RNASEH2B: variants seen among roughly 807,000 people sequenced by gnomAD.
RNASEH2B encodes the protein ribonuclease H2 subunit B.
RNASEH2B carries 36 observed loss-of-function variants against 45.0 expected under a neutral mutation model. That is an observed-to-expected ratio of 0.80 (90% confidence interval 0.61 to 1.06). The LOEUF is 1.06. Among genes scored for constraint, RNASEH2B ranks in the 50% least tolerant of loss-of-function variants. The pLI, the probability that RNASEH2B is intolerant of heterozygous loss-of-function variation, is 0.00. For missense variants in RNASEH2B, 361 were observed against 360.3 expected (o/e 1.00, Z -0.02); for synonymous variants, 119 against 125.7 (o/e 0.95, Z 0.35).
chr13:50,968,754 T>A (rs1210770036), intron 9 of RNASEH2B, among the ~76,000 whole-genome samples: 1 of 152,234 alleles, frequency 6.6e-6, no homozygotes, highest in Non-Finnish European at 1.5e-5. Context: ...TCTACTTAGC[T>A]GGTACATTTG....
chr13:50,954,391 T>C, intron 10 of RNASEH2B: 1 of 345,232 alleles, frequency 2.9e-6, no homozygotes, highest in Non-Finnish European at 5.2e-6. Flanking sequence ...CAGTCCTTAC[T>C]TAGTTTTATA....
At position 50,910,134 on chromosome 13, in the gene RNASEH2B, G is replaced by C. The variant is rs1028530418; in HGVS notation, c.58G>C (p.Val20Leu). The change falls in exon 1 of 11, where the codon GTT becomes CTT. Residue 20 changes from valine (V) to leucine (L), a missense_variant. Transcript: ENST00000336617. Reference sequence around the variant, plus strand: ...TGGCGCCCGGCAGCACGTGTTCCTGGTTTCAGGTAAACACGCGCGCCCGGG... The same window carrying C: ...TGGCGCCCGGCAGCACGTGTTCCTGCTTTCAGGTAAACACGCGCGCCCGGG... Reference protein sequence around the residue: ...GVGARQHVFLVSEYLKDASKK... With the variant: ...GVGARQHVFLLSEYLKDASKK... 54 of 1,448,900 alleles carry C rather than the reference G, an allele frequency of 3.7e-5. No homozygotes were observed. Among genetic ancestry groups the C allele is most frequent in the Non-Finnish European group, 4.5e-5 (50 of 1,100,942 alleles). 89.8% of individuals were successfully genotyped at this position (1,448,900 alleles called of 1,614,324 possible).
intron 9 of RNASEH2B, among the ~76,000 whole-genome samples, chr13:50,964,117 T>G (rs569453055): frequency 5.1e-4 from 78 of 152,244 alleles, no homozygotes; most frequent in African/African-American, 1.9e-3. Context: ...GAGAATCACT[T>G]GAACCCAGGA....
At chr13:50,951,540 C>T (rs1951975530) in intron 9 of RNASEH2B, 1 of 152,108 alleles carries the variant, frequency 6.6e-6, no homozygotes, top group Admixed American at 6.6e-5. Context: ...TTGAATGCAA[C>T]CAGTGGGTTT....
At chr13:50,926,618 T>TA (rs1951600141) in intron 1 of RNASEH2B, among the ~76,000 whole-genome samples, 1 of 152,130 alleles carries the variant, frequency 6.6e-6, no homozygotes, top group Non-Finnish European at 1.5e-5. Flanking sequence ...CCAGATAGGT[T>TA]AAAAATATAA....
chr13:50,930,782 C>G (rs1481980564), intron 4 of RNASEH2B, 23 bp downstream of exon 4: 1 of 1,550,202 alleles, frequency 6.5e-7, no homozygotes, highest in African/African-American at 1.4e-5. Flanking sequence ...CTCGGAGCAT[C>G]CACAGTGAGG....
intron 7 of RNASEH2B, 114 bp from the exon 8 acceptor site, chr13:50,947,869 AAGTG>A: frequency 1.3e-6 from 2 of 1,534,628 alleles, no homozygotes; most frequent in Non-Finnish European, 1.8e-6. Flanking sequence ...GCTAGAGCTT[AAGTG>A]AGTTCCCTTT....
chr13:50,940,961 C>G (rs1951826269), intron 5 of RNASEH2B: 1 of 149,086 alleles, frequency 6.7e-6, no homozygotes, highest in African/African-American at 2.4e-5. Flanking sequence ...GGTGCTCTTG[C>G]CTACTTCCTC....
intron 8 of RNASEH2B, 56 bp downstream of exon 8, chr13:50,948,124 C>T: frequency 6.2e-7 from 1 of 1,602,184 alleles, no homozygotes; most frequent in Non-Finnish European, 8.5e-7. Flanking sequence ...TTGGTTTCCC[C>T]AGCAGTGGGG....
At chr13:50,970,235 A>AAACAT (rs1952208311) in exon 10 of RNASEH2B, 1 of 564,988 alleles carries the variant, frequency 1.8e-6, no homozygotes, top group South Asian at 2.5e-5. Flanking sequence ...GAGGACCTCA[A>AAACAT]GCTTGGGTCA....
chr13:50,915,461 CTT>C (rs1452466100), intron 1 of RNASEH2B: 1 of 398,538 alleles, frequency 2.5e-6, no homozygotes, highest in African/African-American at 2.1e-5. Context: ...GGTCTCTCCT[CTT>C]GTTACTGCCC....
At chr13:50,931,976 A>T (rs1951686373) in intron 4 of RNASEH2B, among the ~76,000 whole-genome samples, 1 of 151,714 alleles carries the variant, frequency 6.6e-6, no homozygotes, top group South Asian at 2.1e-4. Context: ...ACACACACAC[A>T]CACACACTCC....
At chr13:50,934,790 A>T in intron 4 of RNASEH2B, 95 bp from the exon 5 acceptor site, 1 of 866,428 alleles carries the variant, frequency 1.2e-6, no homozygotes, top group Non-Finnish European at 1.9e-6. Flanking sequence ...CACTAAGTTT[A>T]AAGGCCCAGC....
chr13:50,925,224 CA>C (rs1951577698), intron 1 of RNASEH2B, among the ~76,000 whole-genome samples: 1 of 150,252 alleles, frequency 6.7e-6, no homozygotes, highest in African/African-American at 2.4e-5. Flanking sequence ...TTTTTTTTTG[CA>C]ATCTTCTATG....
intron 5 of RNASEH2B, among the ~76,000 whole-genome samples, chr13:50,939,542 A>G (rs1951808761): frequency 6.6e-6 from 1 of 152,152 alleles, no homozygotes; most frequent in Admixed American, 6.5e-5. Context: ...ATAAATAAAA[A>G]TAAAATAAAT....
At chr13:50,958,332 A>G (rs1394887903), downstream of RNASEH2B, among the ~76,000 whole-genome samples, 3 of 152,176 alleles carry the variant, frequency 2.0e-5, no homozygotes, top group Non-Finnish European at 4.4e-5. Flanking sequence ...TCCCAGCATC[A>G]TTTATTGAAC....
intron 1 of RNASEH2B, chr13:50,927,206 T>C (rs1951609163): frequency 2.0e-6 from 1 of 491,600 alleles, no homozygotes; most frequent in African/African-American, 2.0e-5. Context: ...CTCATAGCAA[T>C]ACATTTAAAC....
rs1951912242 is a variant in RNASEH2B at position 50,947,350 on chromosome 13, T to A, written c.617-637T>A. On this transcript the variant is annotated intron_variant, in intron 7 of 10. Transcript: ENST00000336617. Reference sequence around the variant, plus strand: ...ATTAATGATGATAAATTCTGCTGAGTTAGTTGTTTAAGTTTAAGTATTTTA... The same window carrying A: ...ATTAATGATGATAAATTCTGCTGAGATAGTTGTTTAAGTTTAAGTATTTTA... 2.0e-5 allele frequency among the ~76,000 whole-genome samples: 3 copies of A among 151,562 alleles called. No homozygotes were observed. The South Asian group carries it at 6.2e-4, about 32-fold the overall frequency.
At chr13:50,939,813 G>A (rs769132830) in intron 5 of RNASEH2B, among the ~76,000 whole-genome samples, 1 of 152,132 alleles carries the variant, frequency 6.6e-6, no homozygotes, top group Non-Finnish European at 1.5e-5. Flanking sequence ...AAATTATTGA[G>A]CTTCTAGAAG....
Sources: allele counts gnomAD v4.1 joint callset (sites outside exome capture counted in the v4.1 genomes callset), GRCh38; gene constraint gnomAD v4.1.1; transcripts MANE v1.5; gene names NCBI Gene and HGNC (gene_info 2026-07-23, HGNC 2026-07-21).